ZCWPW2: variants seen among roughly 807,000 people sequenced by gnomAD.
ZCWPW2 encodes the protein zinc finger CW-type PWWP domain protein 2.
In ZCWPW2, 45 loss-of-function variants were observed where a neutral mutation model predicts 46.6. That is an observed-to-expected ratio of 0.96 (90% CI 0.76 to 1.24). The LOEUF (loss-of-function observed/expected upper bound fraction) is 1.24. Among genes scored for constraint, ZCWPW2 ranks in the 50% most tolerant of loss-of-function variants. The probability of loss-of-function intolerance (pLI) is 0.00; values close to 1 mark genes in which losing one functional copy is unlikely to be tolerated. For synonymous variants in ZCWPW2, 152 were observed against 137.1 expected, an observed-to-expected ratio of 1.11 and a Z score of -0.76; for missense variants, 429 against 403.9, an observed-to-expected ratio of 1.06 and a Z score of -0.53.
intron 4 of ZCWPW2, among the ~76,000 whole-genome samples, chr3:28,440,698 T>C (rs150404043): frequency 1.9e-3 from 293 of 152,322 alleles, no homozygotes; most frequent in African/African-American, 6.6e-3. Flanking sequence ...CACGCTTCTT[T>C]AGCTGTAAAG....
intron 1 of ZCWPW2, among the ~76,000 whole-genome samples, chr3:28,352,123 T>C (rs1577157842): frequency 8.8e-6 from 1 of 113,626 alleles, no homozygotes; most frequent in South Asian, 3.2e-4. Context: ...ATCTCAGATG[T>C]ATGCACACAC....
chr3:28,349,526 C>T (rs1704451502), intron 1 of ZCWPW2, among the ~76,000 whole-genome samples: 1 of 152,158 alleles, frequency 6.6e-6, no homozygotes, highest in Non-Finnish European at 1.5e-5. Flanking sequence ...GCACACTGCT[C>T]AATTTATGGA....
chr3:28,456,267 C>T (rs999094082), intron 4 of ZCWPW2, among the ~76,000 whole-genome samples: 1 of 151,934 alleles, frequency 6.6e-6, no homozygotes, highest in Non-Finnish European at 1.5e-5. Flanking sequence ...AATTCATTTG[C>T]GATTTTGCTC....
chr3:28,410,055 TG>T (rs908632145), intron 2 of ZCWPW2, among the ~76,000 whole-genome samples: 2 of 152,122 alleles, frequency 1.3e-5, no homozygotes, highest in Admixed American at 1.3e-4. Context: ...TTAATTGCTA[TG>T]TTAATAGTGG....
intron 4 of ZCWPW2, among the ~76,000 whole-genome samples, chr3:28,467,605 C>T (rs1014677127): frequency 6.6e-6 from 1 of 152,156 alleles, no homozygotes; most frequent in Non-Finnish European, 1.5e-5. Context: ...CACAAGGGTG[C>T]TTGTGTCACC....
intron 4 of ZCWPW2, among the ~76,000 whole-genome samples, chr3:28,448,894 G>A (rs1475991693): frequency 7.1e-6 from 1 of 140,638 alleles, no homozygotes; most frequent in African/African-American, 2.6e-5. Context: ...AATCCTAATG[G>A]TATTTTTGCA....
chr3:28,515,805 G>C (rs2125834992), intron 8 of ZCWPW2, among the ~76,000 whole-genome samples, 184 bp downstream of exon 8: 1 of 147,108 alleles, frequency 6.8e-6, no homozygotes, highest in African/African-American at 2.7e-5. Context: ...ATATGTGTGT[G>C]TGTATATATA....
At chr3:28,510,915 G>T (rs1177115091) in intron 6 of ZCWPW2, 4 of 355,508 alleles carry the variant, frequency 1.1e-5, no homozygotes, top group East Asian at 7.3e-5. Context: ...AGTAGGGAAT[G>T]AAACAATTAG....
chr3:28,424,962 T>A (rs1388103289), intron 3 of ZCWPW2, among the ~76,000 whole-genome samples: 1 of 152,192 alleles, frequency 6.6e-6, no homozygotes, highest in Non-Finnish European at 1.5e-5. Context: ...TTGTCTCTAA[T>A]TAACATTTTG....
chr3:28,517,207 G>A (rs1312942261), intron 8 of ZCWPW2, among the ~76,000 whole-genome samples: 2 of 151,650 alleles, frequency 1.3e-5, no homozygotes, highest in East Asian at 1.9e-4. Flanking sequence ...TTTTTTTTCA[G>A]TGCCAGCTTT....
rs369917308 is a variant in ZCWPW2, at chr3:28,525,613, T to C, written c.*925T>C. On this transcript the variant is annotated 3_prime_UTR_variant, in exon 10 of 10. Transcript: ENST00000383768. ...AGCATCACCACAGCGGTGAATTTTA[T>C]TGTGAGTTGCCTCATATTGCTTTAA... Among the ~76,000 whole-genome samples the C allele has an allele frequency of 6.6e-6, 1 of 152,170 alleles. No homozygotes were observed. The highest frequency in any genetic ancestry group is 2.4e-5 in the African/African-American group (1 of 41,454).
chr3:28,518,982 T>C (rs182538969), intron 8 of ZCWPW2, among the ~76,000 whole-genome samples: 21 of 152,322 alleles, frequency 1.4e-4, no homozygotes, highest in Admixed American at 2.6e-4. Flanking sequence ...AATCCTGATT[T>C]GATAGACATG....
chr3:28,457,818 T>C (rs1486517937), intron 4 of ZCWPW2, among the ~76,000 whole-genome samples: 1 of 152,226 alleles, frequency 6.6e-6, no homozygotes, highest in East Asian at 1.9e-4. Context: ...AAGCAGAATA[T>C]ATAAAATACT....
intron 1 of ZCWPW2, among the ~76,000 whole-genome samples, chr3:28,369,720 G>T (rs1161872056): frequency 2.0e-5 from 3 of 152,310 alleles, no homozygotes; most frequent in Non-Finnish European, 4.4e-5. Flanking sequence ...AGAGGATTCT[G>T]CTGCCTTTTG....
chr3:28,404,048 CTTAA>C (rs1370659486), intron 2 of ZCWPW2, among the ~76,000 whole-genome samples: 1 of 151,978 alleles, frequency 6.6e-6, no homozygotes, highest in Non-Finnish European at 1.5e-5. Flanking sequence ...ATAGCTGGGA[CTTAA>C]TTAAAGAGCT....
At chr3:28,434,936 A>G (rs1165053153) in intron 3 of ZCWPW2, among the ~76,000 whole-genome samples, 174 bp from the exon 4 acceptor site, 1 of 152,196 alleles carries the variant, frequency 6.6e-6, no homozygotes, top group Admixed American at 6.5e-5. Flanking sequence ...TATAAAATAC[A>G]ATTTATTACT....
chr3:28,427,570 T>C (rs1697068584), intron 3 of ZCWPW2, among the ~76,000 whole-genome samples: 1 of 152,186 alleles, frequency 6.6e-6, no homozygotes, highest in East Asian at 1.9e-4. Flanking sequence ...TTTTCTATAA[T>C]TTAATATGTT....
intron 1 of ZCWPW2, among the ~76,000 whole-genome samples, chr3:28,361,320 T>G (rs144768310): frequency 2.0e-5 from 3 of 152,270 alleles, no homozygotes; most frequent in African/African-American, 4.8e-5. Context: ...AAACTGGATA[T>G]TCACATGCGA....
intron 6 of ZCWPW2, among the ~76,000 whole-genome samples, chr3:28,512,100 G>A (rs1700442346): frequency 6.6e-6 from 1 of 151,858 alleles, no homozygotes; most frequent in Non-Finnish European, 1.5e-5. Context: ...GTTTTGATAT[G>A]GTGTCTATTA....
Sources: gnomAD v4.1 joint callset for allele counts (sites outside exome capture counted in the v4.1 genomes callset) on GRCh38, gnomAD v4.1.1 for gene constraint, MANE v1.5 for transcripts, NCBI Gene and HGNC (gene_info 2026-07-23, HGNC 2026-07-21) for gene names.